Variants in DCAF6 observed in about 807,000 individuals in gnomAD.
DCAF6 encodes the protein DDB1 and CUL4 associated factor 6.
DCAF6 carries 54 observed loss-of-function variants against 125.1 expected under a neutral mutation model. The observed-to-expected ratio is 0.43, with a 90% CI of 0.35 to 0.54. DCAF6 has a LOEUF of 0.54. DCAF6 is among the 20% of genes least tolerant of loss of function. The probability of loss-of-function intolerance (pLI) is 0.01; values close to 1 mark genes in which losing one functional copy is unlikely to be tolerated. For synonymous variants in DCAF6, 371 were observed against 390.4 expected (o/e 0.95, Z 0.58); for missense variants, 934 against 1,161.7 (o/e 0.80, Z 2.85).
intron 12 of DCAF6, among the ~76,000 whole-genome samples, chr1:168,034,992 C>T (rs1039492631): frequency 1.3e-5 from 2 of 152,008 alleles, no homozygotes; most frequent in Non-Finnish European, 2.9e-5. Context: ...CATTTTATCA[C>T]AAAGAGTGAA....
chr1:168,040,314 A>T (rs74388891), intron 13 of DCAF6, among the ~76,000 whole-genome samples: 1 of 152,010 alleles, frequency 6.6e-6, no homozygotes, highest in African/African-American at 2.4e-5. Flanking sequence ...AGAGTAGTAG[A>T]TAAGGTCAGC....
chr1:168,068,458 G>C lies in DCAF6; in HGVS notation c.2786G>C (p.Arg929Pro). 6.7e-7 allele frequency: 1 copy of C among 1,489,136 alleles called. No homozygotes were observed. Among genetic ancestry groups the C allele is most frequent in the Non-Finnish European group, 9.0e-7 (1 of 1,112,982 alleles). 92.2% of individuals were successfully genotyped at this position (1,489,136 alleles called of 1,614,324 possible). ...LRMLASLNHIRADRLEGDRSE... is the reference protein window; with the variant it reads ...LRMLASLNHIPADRLEGDRSE... ...ATGTTGGCTTCACTTAATCATATCC[G>C]AGCTGGTAGGAACTTTAAGTATACT... Residue 929 changes from arginine to proline, a missense_variant, in exon 21 of 22, where the codon CGA (arginine) becomes CCA (proline). Physicochemically the swap from Arg to Pro is moderately radical, Grantham distance 103. Coordinates refer to ENST00000367840, the MANE Select transcript of DCAF6 (RefSeq NM_001198956.2).
the DCAF6 span, among the ~76,000 whole-genome samples, chr1:167,864,461 A>C: frequency 6.6e-6 from 1 of 152,186 alleles, no homozygotes; most frequent in Non-Finnish European, 1.5e-5. Context: ...GGTAACCTGT[A>C]AGCCAAGGCA....
Position 168,004,726 on chromosome 1 carries a change from A to C in DCAF6, c.1311A>C (p.Leu437=). ...PTESPHSTPL[L]SSPDSEQRQS... is the part of the protein sequence containing the mutation. ...AAAGCCCTCATTCTACTCCTTTGCT[A>C]TCTTCTCCAGACAGTGAACAAAGGC... The change falls in exon 10 of 22, where the codon CTA becomes CTC. Residue 437 remains leucine (L), a synonymous_variant. Transcript: ENST00000367840. 1 of 1,614,008 alleles carries C rather than the reference A, an allele frequency of 6.2e-7. No homozygotes were observed.
chr1:167,878,495 C>T, the DCAF6 span: 1 of 1,614,202 alleles, frequency 6.2e-7, no homozygotes, highest in Admixed American at 1.7e-5. Flanking sequence ...GAATCTGCAA[C>T]ACCTTTCATA....
In DCAF6 at chr1:168,075,787, A is replaced by G. The variant is rs1209269459; in HGVS notation, c.*352A>G. On this transcript the variant is annotated 3_prime_UTR_variant, in exon 22 of 22. Transcript: ENST00000367840. Reference sequence around the variant, plus strand: ...GTTCAAATAAATTTCTACACTTGCCATTTGCATGTTTGTTGCTTTCTAATT... The same window carrying G: ...GTTCAAATAAATTTCTACACTTGCCGTTTGCATGTTTGTTGCTTTCTAATT... 1 of 185,176 alleles carries G rather than the reference A, an allele frequency of 5.4e-6. No individual in the cohort carries two copies. Among genetic ancestry groups the G allele is most frequent in the Non-Finnish European group, 1.1e-5 (1 of 90,006 alleles). The allele number at this position is 185,176 out of a possible 1,614,324, so 11.5% of individuals were successfully genotyped here.
At chr1:168,072,465 T>C (rs10918819) in intron 21 of DCAF6, among the ~76,000 whole-genome samples, 4,404 of 152,240 alleles carry the variant, frequency 0.029, 218 homozygotes, top group African/African-American at 0.1. Flanking sequence ...ATTTCTTTAT[T>C]TATTGTCTTA....
At chr1:167,961,404 G>A (rs959370441) in intron 2 of DCAF6, among the ~76,000 whole-genome samples, 7 of 152,012 alleles carry the variant, frequency 4.6e-5, no homozygotes, top group South Asian at 2.1e-4. Context: ...CACCACACCC[G>A]GCTAATTTTT....
the DCAF6 span, among the ~76,000 whole-genome samples, chr1:167,863,974 T>C: frequency 1.3e-5 from 2 of 152,066 alleles, no homozygotes; most frequent in Non-Finnish European, 2.9e-5. Flanking sequence ...TCTTGGGAAC[T>C]TGCCCACTCC....
chr1:167,878,140 T>G, the DCAF6 span, among the ~76,000 whole-genome samples: 5 of 152,184 alleles, frequency 3.3e-5, no homozygotes, highest in Non-Finnish European at 7.3e-5. Context: ...AAATGGTTGG[T>G]GATTGGGCCC....
chr1:167,986,722 T>A (rs1471211938), intron 4 of DCAF6, among the ~76,000 whole-genome samples: 1 of 152,182 alleles, frequency 6.6e-6, no homozygotes, highest in African/African-American at 2.4e-5. Flanking sequence ...CAGGTGGTAA[T>A]GCTCGCTCAC....
chr1:167,948,316 A>C (rs1188662105), intron 1 of DCAF6, among the ~76,000 whole-genome samples: 1 of 151,326 alleles, frequency 6.6e-6, no homozygotes, highest in Non-Finnish European at 1.5e-5. Context: ...CTTAACTAGC[A>C]GTCATCTGTC....
chr1:168,023,022 A>T lies in DCAF6; in HGVS notation c.1584A>T (p.Gly528=), dbSNP rs767103381. ...SPSSVVNKQL[G]SMSLDEQQDN... ...CTTCTGTGGTTAACAAACAGCTCGG[A>T]TCCATGTCACTTGACGAGCAACAGG... The change falls in exon 12 of 22, where the codon GGA becomes GGT. Residue 528 remains glycine, a synonymous_variant. Transcript: ENST00000367840. 6.2e-7 allele frequency: 1 copy of T among 1,614,188 alleles called. No individual in the cohort carries two copies. Among genetic ancestry groups the T allele is most frequent in the South Asian group, 1.1e-5 (1 of 91,084 alleles).
intron 17 of DCAF6, among the ~76,000 whole-genome samples, chr1:168,054,886 G>A (rs1254610778): frequency 1.3e-5 from 2 of 149,638 alleles, no homozygotes; most frequent in Admixed American, 1.3e-4. Flanking sequence ...GTGTGAACTC[G>A]GCTCACTGCA....
At chr1:167,872,183 A>C in the DCAF6 span, among the ~76,000 whole-genome samples, 3 of 152,098 alleles carry the variant, frequency 2.0e-5, no homozygotes, top group African/African-American at 7.2e-5. Flanking sequence ...TATTAAAAAT[A>C]CAAAATTAGC....
At chr1:167,900,045 TG>T in the DCAF6 span, among the ~76,000 whole-genome samples, 1 of 152,080 alleles carries the variant, frequency 6.6e-6, no homozygotes, top group Non-Finnish European at 1.5e-5. Context: ...CAACAAAGGG[TG>T]GGGGAAAGGA....
At chr1:168,062,463 A>C (rs1411871739) in intron 17 of DCAF6, among the ~76,000 whole-genome samples, 1 of 151,916 alleles carries the variant, frequency 6.6e-6, no homozygotes, top group Non-Finnish European at 1.5e-5. Context: ...CCTCTCAGTA[A>C]TGCCTGTTTT....
intron 1 of DCAF6, among the ~76,000 whole-genome samples, chr1:167,943,494 T>C (rs1226228649): frequency 1.3e-5 from 2 of 152,006 alleles, no homozygotes; most frequent in Non-Finnish European, 2.9e-5. Context: ...TTTGTAATGC[T>C]ATTTTAGATG....
Position 168,075,592 on chromosome 1 carries a change from G to A in DCAF6, c.*157G>A, listed in dbSNP as rs968595702. The stretch of plus-strand genomic sequence containing the variant: ...CCTAACATTGGTTTGGAATGATTGT[G>A]TGCATGAATTTGGGAGATTGTATAA... On this transcript the variant is annotated 3_prime_UTR_variant, in exon 22 of 22. Coordinates refer to ENST00000367840, the MANE Select transcript of DCAF6 (RefSeq NM_001198956.2). 28 of 600,080 alleles carry A rather than the reference G, an allele frequency of 4.7e-5. No individual in the cohort carries two copies. The highest frequency in any genetic ancestry group is 6.7e-5 in the Non-Finnish European group (24 of 359,970). The allele number at this position is 600,080 out of a possible 1,614,324, so 37.2% of individuals were successfully genotyped here. A position where few individuals can be genotyped will look rare whatever the true frequency, so the allele number is the denominator to read the frequency against.
Sources: gnomAD v4.1 joint callset for allele counts (sites outside exome capture counted in the v4.1 genomes callset) on GRCh38, gnomAD v4.1.1 for gene constraint, MANE v1.5 for transcripts, NCBI Gene and HGNC (gene_info 2026-07-23, HGNC 2026-07-21) for gene names.